The following NOS1 variants were observed in gnomAD, a reference collection of about 807,000 sequenced individuals.
NOS1 encodes nitric oxide synthase 1.
NOS1 carries 51 observed loss-of-function variants against 164.5 expected under a neutral mutation model. That is an observed-to-expected ratio of 0.31 (90% confidence interval 0.25 to 0.39). NOS1 has a LOEUF of 0.39. NOS1 is among the 10% of genes least tolerant of loss of function. The probability of loss-of-function intolerance (pLI) is 1.00; values close to 1 mark genes in which losing one functional copy is unlikely to be tolerated. For synonymous variants in NOS1, 719 were observed against 745.8 expected (o/e 0.96, Z 0.59); for missense variants, 1,362 against 1,885.6 (o/e 0.72, Z 5.14).
chr12:117,280,426 T>C (rs1020131782), intron 8 of NOS1, among the ~76,000 whole-genome samples: 12 of 152,206 alleles, frequency 7.9e-5, no homozygotes, highest in South Asian at 2.1e-4. Flanking sequence ...TCTTCTCTAC[T>C]CATTTGGCAG....
intron 12 of NOS1, among the ~76,000 whole-genome samples, chr12:117,264,523 TTTCC>T (rs1336977900): frequency 4.0e-5 from 6 of 149,156 alleles, no homozygotes; most frequent in African/African-American, 4.9e-5. Context: ...CCTTCCTTCC[TTTCC>T]TTCCTTCCTT....
intron 2 of NOS1, among the ~76,000 whole-genome samples, chr12:117,323,536 C>T (rs558485642): frequency 4.3e-4 from 66 of 152,152 alleles, no homozygotes; most frequent in Non-Finnish European, 6.9e-4. Flanking sequence ...GCCCTGGTTT[C>T]GCCATCAGGA....
chr12:117,361,214 G>T (rs1877132581), intron 1 of NOS1, among the ~76,000 whole-genome samples: 1 of 151,634 alleles, frequency 6.6e-6, no homozygotes. Context: ...CCTCCCGGGC[G>T]CCCGCGGCCG....
In NOS1 at chr12:117,210,552, T is replaced by C. The variant is rs1956511472; in HGVS notation, c.*4757A>G. ...GGCTAGAAGTCCACAGATTTCCTAA[T>C]GGCAAGAATGAAAAGGCTGCATTAG... On this transcript the variant is annotated 3_prime_UTR_variant, in exon 29 of 29. Coordinates refer to ENST00000317775, the MANE Select transcript of NOS1 (RefSeq NM_000620.5). 6 of 985,326 alleles carry C rather than the reference T, an allele frequency of 6.1e-6. No homozygotes were observed. The highest frequency in any genetic ancestry group is 7.2e-6 in the Non-Finnish European group (6 of 829,978). 61.0% of individuals were successfully genotyped at this position (985,326 alleles called of 1,614,324 possible).
In NOS1 at chr12:117,210,618, T is replaced by C. The variant is rs1956512646; in HGVS notation, c.*4691A>G. ...GAGTGAAGGGGCTCAGGCATCTGGA[T>C]TGCCCATCCTATTAGGACCATTTGC... On this transcript the variant is annotated 3_prime_UTR_variant, in exon 29 of 29. Coordinates refer to ENST00000317775, the MANE Select transcript of NOS1 (RefSeq NM_000620.5). The C allele has an allele frequency of 2.0e-6, 2 of 985,500 alleles. No individual in the cohort carries two copies. The highest frequency in any genetic ancestry group is 2.4e-6 in the Non-Finnish European group (2 of 829,964). The allele number at this position is 985,500 out of a possible 1,614,324, so 61.0% of individuals were successfully genotyped here.
rs564485726 is a variant in NOS1 at position 117,216,681 on chromosome 12, G to A, written c.4290-1357C>T. ...ATTTGTAGAGACAGGGTCTCCTTGC[G>A]TTGCCCAGGCTGATCTTGAACTCCT... On this transcript the variant is annotated intron_variant, in intron 28 of 28. Transcript: ENST00000317775. Among the ~76,000 whole-genome samples the A allele has an allele frequency of 2.3e-4, 35 of 152,032 alleles. 1 individual carries two copies. The highest frequency in any genetic ancestry group is 1.5e-3 in the South Asian group (7 of 4,792).
intron 9 of NOS1, among the ~76,000 whole-genome samples, chr12:117,274,769 CA>C (rs71099039): frequency 1.2e-4 from 9 of 76,998 alleles, no homozygotes; most frequent in African/African-American, 3.9e-4. Context: ...CTCCGTCTCA[CA>C]AAAAAAAAAA....
At chr12:117,244,581 A>G (rs138724173) in intron 18 of NOS1, among the ~76,000 whole-genome samples, 47 of 152,254 alleles carry the variant, frequency 3.1e-4, no homozygotes, top group African/African-American at 1.1e-3. Flanking sequence ...CAGATAATTC[A>G]AAATAATGAT....
At chr12:117,264,780 CTTGATAT>C (rs1872247714) in intron 12 of NOS1, among the ~76,000 whole-genome samples, 1 of 151,262 alleles carries the variant, frequency 6.6e-6, no homozygotes, top group East Asian at 1.9e-4. Context: ...AGTTCAGTGG[CTTGATAT>C]CGGCTCACTG....
At chr12:117,320,774 C>T (rs1299579454) in intron 2 of NOS1, among the ~76,000 whole-genome samples, 1 of 152,154 alleles carries the variant, frequency 6.6e-6, no homozygotes, top group Non-Finnish European at 1.5e-5. Context: ...TTTGCACGTC[C>T]CAACCCTGTT....
intron 16 of NOS1, among the ~76,000 whole-genome samples, chr12:117,256,648 G>C (rs1005070628): frequency 6.6e-6 from 1 of 152,100 alleles, no homozygotes; most frequent in Non-Finnish European, 1.5e-5. Context: ...TTCACCTTAA[G>C]ACACAGGGAT....
chr12:117,339,739 G>C (rs1465420327), intron 1 of NOS1, among the ~76,000 whole-genome samples: 1 of 152,306 alleles, frequency 6.6e-6, no homozygotes, highest in East Asian at 1.9e-4. Context: ...AGACCAGTGA[G>C]GAATGCTCTT....
intron 3 of NOS1, among the ~76,000 whole-genome samples, chr12:117,302,361 G>C (rs535482676): frequency 2.0e-5 from 3 of 152,118 alleles, no homozygotes; most frequent in African/African-American, 7.2e-5. Flanking sequence ...TTGGGAGGCC[G>C]AGGCGGGCGG....
chr12:117,234,269 G>T lies in NOS1; in HGVS notation c.3235+296C>A, dbSNP rs983867812. 6.6e-6 allele frequency among the ~76,000 whole-genome samples: 1 copy of T among 152,216 alleles called. No individual in the cohort carries two copies. The highest frequency in any genetic ancestry group is 2.4e-5 in the African/African-American group (1 of 41,450). ...AGGGCTAGTGGTGAGGATGGAAAGT[G>T]AAAAGAATGGCTACTGCTAAAGTCC... On this transcript the variant is annotated intron_variant, in intron 21 of 28. Coordinates refer to ENST00000317775, the MANE Select transcript of NOS1 (RefSeq NM_000620.5). The surrounding 1 kb of genome is among the most constrained non-coding windows in gnomAD (Gnocchi z 4.3).
Position 117,330,328 on chromosome 12 carries a change from A to ACG in NOS1, c.725+16_725+17insCG, listed in dbSNP as rs369055988. ...CACACACACACACACACACACACAC[A>ACG]CCCCTGTGGAGCTTACCTGTCCACC... On this transcript the variant is annotated intron_variant, in intron 2 of 28. Coordinates refer to ENST00000317775, the MANE Select transcript of NOS1 (RefSeq NM_000620.5). This position sits in a 1 kb window ranked among gnomAD's most constrained non-coding sequence, Gnocchi z 4.6. 1 of 1,586,392 alleles carries ACG rather than the reference A, an allele frequency of 6.3e-7. No individual in the cohort carries two copies. Among genetic ancestry groups the ACG allele is most frequent in the Non-Finnish European group, 8.6e-7 (1 of 1,165,264 alleles).
At chr12:117,309,241 G>T in intron 3 of NOS1, 3 of 589,206 alleles carry the variant, frequency 5.1e-6, no homozygotes, top group Non-Finnish European at 6.4e-6. Flanking sequence ...GTCTACAGTT[G>T]TGCTTTTCCA....
chr12:117,251,596 ATT>A (rs11347925), intron 17 of NOS1, among the ~76,000 whole-genome samples: 3,165 of 136,078 alleles, frequency 0.023, 94 homozygotes, highest in African/African-American at 0.08. Context: ...AATTTTTTTC[ATT>A]TTTTTTTTTT....
At chr12:117,230,205 T>C (rs113439797) in intron 22 of NOS1, among the ~76,000 whole-genome samples, 35 of 152,362 alleles carry the variant, frequency 2.3e-4, no homozygotes, top group African/African-American at 7.9e-4. Context: ...TGAGCCACTG[T>C]GCCCAAATTC....
chr12:117,222,012 C>T (rs1956714716), intron 26 of NOS1, among the ~76,000 whole-genome samples: 1 of 151,890 alleles, frequency 6.6e-6, no homozygotes, highest in Non-Finnish European at 1.5e-5. Flanking sequence ...GTCGTAACCA[C>T]TTTAAAGTGT....
Sources: gnomAD v4.1 joint callset for allele counts (sites outside exome capture counted in the v4.1 genomes callset) on GRCh38, gnomAD v4.1.1 for gene constraint, Gnocchi (gnomAD v3.1) non-coding constraint, MANE v1.5 for transcripts, NCBI Gene and HGNC (gene_info 2026-07-23, HGNC 2026-07-21) for gene names.